Variants in IL17A observed in about 807,000 individuals in gnomAD.
IL17A encodes the protein interleukin-17A.
In IL17A, 1 loss-of-function variant was observed where a neutral mutation model predicts 7.2. The observed-to-expected ratio is 0.14, with a 90% CI of 0.05 to 0.66. The LOEUF is 0.66. Ranked by LOEUF, IL17A falls within the 30% of genes least tolerant of loss-of-function variation. The probability of loss-of-function intolerance (pLI) is 0.84; values close to 1 mark genes in which losing one functional copy is unlikely to be tolerated. For missense variants in IL17A, 191 were observed against 197.1 expected, an observed-to-expected ratio of 0.97 and a Z score of 0.18; for synonymous variants, 90 against 77.7, an observed-to-expected ratio of 1.16 and a Z score of -0.83.
chr6:52,187,497 G>A (rs953563773), intron 1 of IL17A, 106 bp from the exon 2 acceptor site: 3 of 904,478 alleles, frequency 3.3e-6, no homozygotes, highest in African/African-American at 3.3e-5. Flanking sequence ...GGAACATTGT[G>A]TGTTCTCTAT....
intron 1 of IL17A, 61 bp downstream of exon 1, chr6:52,186,519 C>A: frequency 2.6e-6 from 4 of 1,547,764 alleles, no homozygotes; most frequent in Non-Finnish European, 3.6e-6. Context: ...ATTTCTGGAC[C>A]GTGGGCATGA....
Position 52,187,641 on chromosome 6 carries a change from G to A in IL17A, c.66G>A (p.Lys22=). The A allele has an allele frequency of 2.5e-6, 4 of 1,614,096 alleles. No homozygotes were observed. The highest frequency in any genetic ancestry group is 3.4e-6 in the Non-Finnish European group (4 of 1,179,978). The change falls in exon 2 of 3, where the codon AAG becomes AAA. Residue 22 remains lysine, a synonymous_variant. Transcript: ENST00000648244. The stretch of plus-strand genomic sequence containing the variant: ...TGCTGAGCCTGGAGGCCATAGTGAA[G>A]GCAGGAATCACAATCCCACGAAATC... The part of the protein sequence containing the change: ...LLLLSLEAIV[K]AGITIPRNPG...
intron 2 of IL17A, 22 bp from the exon 3 acceptor site, chr6:52,189,033 C>T (rs372112753): frequency 2.6e-6 from 4 of 1,566,772 alleles, no homozygotes; most frequent in South Asian, 1.1e-5. Context: ...CACTTTCCTC[C>T]TGATTTTTCT....
At chr6:52,186,503 G>T in intron 1 of IL17A, 45 bp downstream of exon 1, 1 of 1,604,614 alleles carries the variant, frequency 6.2e-7, no homozygotes, top group Non-Finnish European at 8.5e-7. Flanking sequence ...ATTTGGACCA[G>T]ATAGTATTTC....
chr6:52,189,511 T>A lies in IL17A; in HGVS notation c.*219T>A. 4 of 463,332 alleles carry A rather than the reference T, an allele frequency of 8.6e-6. No individual in the cohort carries two copies. The highest frequency in any genetic ancestry group is 1.1e-5 in the Non-Finnish European group (3 of 264,166). 28.7% of individuals were successfully genotyped at this position (463,332 alleles called of 1,614,324 possible). On this transcript the variant is annotated 3_prime_UTR_variant, in exon 3 of 3. Coordinates refer to ENST00000648244, the MANE Select transcript of IL17A (RefSeq NM_002190.3). ...TTCCAAGAAGGAAGGTTTGACTGAGTACCAATTTGCTTCTTGTTTACTTTT... is the reference window on the plus strand; with the variant it reads ...TTCCAAGAAGGAAGGTTTGACTGAGAACCAATTTGCTTCTTGTTTACTTTT...
intron 2 of IL17A, among the ~76,000 whole-genome samples, 190 bp downstream of exon 2, chr6:52,187,995 A>G (rs1197299288): frequency 6.6e-6 from 1 of 152,118 alleles, no homozygotes; most frequent in Non-Finnish European, 1.5e-5. Context: ...GCCTCCAATA[A>G]TCCCTATCCT....
intron 1 of IL17A, 144 bp from the exon 2 acceptor site, chr6:52,187,459 A>G: frequency 1.4e-6 from 1 of 733,900 alleles, no homozygotes; most frequent in East Asian, 2.5e-5. Context: ...TCTCTAGCTG[A>G]TCTGAAAAAT....
intron 1 of IL17A, 86 bp downstream of exon 1, chr6:52,186,544 A>C: frequency 7.9e-7 from 1 of 1,264,746 alleles, no homozygotes; most frequent in East Asian, 2.4e-5. Flanking sequence ...CTGGGTTCTG[A>C]CTATGGAGAT....
chr6:52,186,916 G>A (rs1462949574), intron 1 of IL17A, among the ~76,000 whole-genome samples: 1 of 152,042 alleles, frequency 6.6e-6, no homozygotes, highest in Non-Finnish European at 1.5e-5. Context: ...ACTAAACATA[G>A]GTATAACTGT....
At position 52,187,514 on chromosome 6, in the gene IL17A, C is replaced by T. The variant is rs1032003498; in HGVS notation, c.28-89C>T. Reference sequence around the variant, plus strand: ...AACATTGTGTGTTCTCTATGATTAGCAATGCATCATCATCACAATTAATTT... The same window carrying T: ...AACATTGTGTGTTCTCTATGATTAGTAATGCATCATCATCACAATTAATTT... On this transcript the variant is annotated intron_variant, in intron 1 of 2. Coordinates refer to ENST00000648244, the MANE Select transcript of IL17A (RefSeq NM_002190.3). The T allele has an allele frequency of 6.2e-6, 6 of 975,564 alleles. No homozygotes were observed. The African/African-American group carries it at 6.4e-5, about 10-fold the overall frequency. 60.4% of individuals were successfully genotyped at this position (975,564 alleles called of 1,614,324 possible). A position where few individuals can be genotyped will look rare whatever the true frequency, so the allele number is the denominator to read the frequency against.
chr6:52,190,060 G>C lies in IL17A; in HGVS notation c.*768G>C, dbSNP rs1262741134. ...ATTTGTTCTCATTAAATGTATTTTAGCAAACTCAGCTCTTCCCTATTGGGA... is the reference window on the plus strand; with the variant it reads ...ATTTGTTCTCATTAAATGTATTTTACCAAACTCAGCTCTTCCCTATTGGGA... On this transcript the variant is annotated 3_prime_UTR_variant, in exon 3 of 3. Coordinates refer to ENST00000648244, the MANE Select transcript of IL17A (RefSeq NM_002190.3). 6.6e-6 allele frequency: 1 copy of C among 152,040 alleles called. No homozygotes were observed. The highest frequency in any genetic ancestry group is 1.5e-5 in the Non-Finnish European group (1 of 68,010). The allele number at this position is 152,040 out of a possible 1,614,324, so 9.4% of individuals were successfully genotyped here. A position where few individuals can be genotyped will look rare whatever the true frequency, so the allele number is the denominator to read the frequency against.
chr6:52,189,174 A>G lies in IL17A; in HGVS notation c.350A>G (p.Gln117Arg). The G allele has an allele frequency of 6.2e-7, 1 of 1,614,146 alleles. No homozygotes were observed. The highest frequency in any genetic ancestry group is 8.5e-7 in the Non-Finnish European group (1 of 1,180,008). The change falls in exon 3 of 3, where the codon CAA becomes CGA. Residue 117 changes from glutamine (Q) to arginine (R), a missense_variant. Gln to Arg is a conservative substitution (Grantham distance 43, BLOSUM62 1). Coordinates refer to ENST00000648244, the MANE Select transcript of IL17A (RefSeq NM_002190.3). ...CACATGAACTCTGTCCCCATCCAGC[A>G]AGAGATCCTGGTCCTGCGCAGGGAG... ...DYHMNSVPIQ[Q>R]EILVLRREPP...
rs17878530 is a variant in IL17A at position 52,189,247 on chromosome 6, C to T, written c.423C>T (p.Ser141=). 112 of 1,614,084 alleles carry T rather than the reference C, an allele frequency of 6.9e-5. No homozygotes were observed. In the African/African-American group the frequency reaches 1.3e-3, roughly 19 times the overall value. Residue 141 remains serine (S), a synonymous_variant, in exon 3 of 3, where the codon TCC becomes TCT. Coordinates refer to ENST00000648244, the MANE Select transcript of IL17A (RefSeq NM_002190.3). The stretch of plus-strand genomic sequence containing the variant: ...TCCGGCTGGAGAAGATACTGGTGTC[C>T]GTGGGCTGCACCTGTGTCACCCCGA... ...NSFRLEKILV[S]VGCTCVTPIV...
At chr6:52,188,814 CA>C (rs1763326450) in intron 2 of IL17A, among the ~76,000 whole-genome samples, 1 of 151,812 alleles carries the variant, frequency 6.6e-6, no homozygotes, top group South Asian at 2.1e-4. Flanking sequence ...TTATTTTATT[CA>C]TTCTTCAAAT....
Position 52,187,629 on chromosome 6 carries a change from G to A in IL17A, c.54G>A (p.Glu18=), listed in dbSNP as rs146341554. The change falls in exon 2 of 3, where the codon GAG becomes GAA. Residue 18 remains glutamate, a synonymous_variant. Coordinates refer to ENST00000648244, the MANE Select transcript of IL17A (RefSeq NM_002190.3). ...LVSLLLLLSL[E]AIVKAGITIP... ...CACTGCTACTGCTGCTGAGCCTGGA[G>A]GCCATAGTGAAGGCAGGAATCACAA... 8.1e-5 allele frequency: 131 copies of A among 1,613,990 alleles called. No homozygotes were observed. Among genetic ancestry groups the A allele is most frequent in the African/African-American group, 7.2e-4 (54 of 75,002 alleles).
intron 1 of IL17A, among the ~76,000 whole-genome samples, chr6:52,186,670 AAGAT>A (rs1763290563): frequency 6.6e-6 from 1 of 152,236 alleles, no homozygotes; most frequent in Non-Finnish European, 1.5e-5. Flanking sequence ...TTAAAACTGA[AAGAT>A]AGCTATATTG....
At chr6:52,187,114 T>C (rs1763298152) in intron 1 of IL17A, among the ~76,000 whole-genome samples, 1 of 152,224 alleles carries the variant, frequency 6.6e-6, no homozygotes, top group Admixed American at 6.5e-5. Flanking sequence ...ACTTCTAGCA[T>C]GAATATTGAT....
At position 52,189,418 on chromosome 6, in the gene IL17A, G is replaced by T; in HGVS notation, c.*126G>T. 3.0e-6 allele frequency: 2 copies of T among 661,502 alleles called. No individual in the cohort carries two copies. Among genetic ancestry groups the T allele is most frequent in the Non-Finnish European group, 5.1e-6 (2 of 390,416 alleles). The allele number at this position is 661,502 out of a possible 1,614,324, so 41.0% of individuals were successfully genotyped here. A position where few individuals can be genotyped will look rare whatever the true frequency, so the allele number is the denominator to read the frequency against. ...TAAACTCATTAGAGTTCTTAAGGCA[G>T]TTTGTCCAATTAAAGCTTCAGAGGT... On this transcript the variant is annotated 3_prime_UTR_variant, in exon 3 of 3. Transcript: ENST00000648244.
Position 52,190,263 on chromosome 6 carries a change from A to G in IL17A, c.*971A>G, listed in dbSNP as rs557785255. The G allele has an allele frequency of 2.0e-5, 3 of 152,324 alleles. No homozygotes were observed. The South Asian group carries it at 6.2e-4, about 32-fold the overall frequency. The allele number at this position is 152,324 out of a possible 1,614,324, so 9.4% of individuals were successfully genotyped here. Reference sequence around the variant, plus strand: ...GAAGCATTTTGATAGGAATAGAGCAAATAAGATAATGGCCCTGAGGAATGG... The same window carrying G: ...GAAGCATTTTGATAGGAATAGAGCAGATAAGATAATGGCCCTGAGGAATGG... On this transcript the variant is annotated 3_prime_UTR_variant, in exon 3 of 3. Transcript: ENST00000648244.
Sources: allele counts gnomAD v4.1 joint callset (sites outside exome capture counted in the v4.1 genomes callset), GRCh38; gene constraint gnomAD v4.1.1; transcripts MANE v1.5; gene names NCBI Gene and HGNC (gene_info 2026-07-23, HGNC 2026-07-21).